BZW2: variants seen among roughly 807,000 people sequenced by gnomAD.
BZW2 encodes the protein basic leucine zipper and W2 domains 2.
Under a neutral mutation model 53.2 loss-of-function variants are expected in BZW2, and 23 were observed. The ratio of observed to expected loss-of-function variants is 0.43; its 90% CI spans 0.31 to 0.61. The LOEUF (loss-of-function observed/expected upper bound fraction) is 0.61. Ranked by LOEUF, BZW2 falls within the 20% of genes least tolerant of loss-of-function variation. The pLI, the probability that BZW2 is intolerant of heterozygous loss-of-function variation, is 0.09. For missense variants in BZW2, 409 were observed against 503.1 expected (o/e 0.81, Z 1.79); for synonymous variants, 227 against 186.4 (o/e 1.22, Z -1.77).
At chr7:16,662,349 G>A (rs980617935) in intron 1 of BZW2, 5 of 152,100 alleles carry the variant, frequency 3.3e-5, no homozygotes, top group African/African-American at 1.2e-4. Flanking sequence ...TTCTCCACAT[G>A]GAATGTATCG....
chr7:16,668,991 GTTC>G (rs1332378002), intron 2 of BZW2, among the ~76,000 whole-genome samples: 3 of 152,166 alleles, frequency 2.0e-5, no homozygotes, highest in Admixed American at 6.5e-5. Flanking sequence ...TAATCAAACT[GTTC>G]TTTCTGTACA....
intron 1 of BZW2, chr7:16,661,173 G>A (rs696279): frequency 0.58 from 88,629 of 151,932 alleles, 26,648 homozygotes; most frequent in African/African-American, 0.72. Flanking sequence ...TCATACCAGA[G>A]CAGTCAAAAA....
intron 10 of BZW2, among the ~76,000 whole-genome samples, chr7:16,700,450 G>C (rs761878633): frequency 7.2e-5 from 11 of 152,158 alleles, no homozygotes; most frequent in Non-Finnish European, 1.3e-4. Flanking sequence ...CTCATTCCGT[G>C]TTTTATATGC....
In BZW2 at chr7:16,689,803, C is replaced by G. The variant is rs572468645; in HGVS notation, c.548C>G (p.Ala183Gly). The change falls in exon 7 of 12, where the codon GCG becomes GGG. Residue 183 changes from alanine (A) to glycine (G), a missense_variant. Transcript: ENST00000258761. ...CTCTTTTGTTTTTCAACAGGCATTGCGGCCTCATTTGCTGTCAAGCTTTTC... is the reference window on the plus strand; with the variant it reads ...CTCTTTTGTTTTTCAACAGGCATTGGGGCCTCATTTGCTGTCAAGCTTTTC... ...FTDSLVKEGIAASFAVKLFKA... is the reference protein window; with the variant it reads ...FTDSLVKEGIGASFAVKLFKA... The G allele has an allele frequency of 6.2e-7, 1 of 1,604,410 alleles. No individual in the cohort carries two copies. The highest frequency in any genetic ancestry group is 2.2e-5 in the East Asian group (1 of 44,552).
chr7:16,654,818 C>T (rs1009109346), intron 1 of BZW2, among the ~76,000 whole-genome samples: 2 of 152,002 alleles, frequency 1.3e-5, no homozygotes, highest in Non-Finnish European at 2.9e-5. Context: ...GGATTACAGG[C>T]ATAAGCCACC....
At chr7:16,690,728 C>G (rs920044301) in intron 7 of BZW2, among the ~76,000 whole-genome samples, 1 of 152,152 alleles carries the variant, frequency 6.6e-6, no homozygotes, top group African/African-American at 2.4e-5. Flanking sequence ...GTCACAATTG[C>G]TTGATTATAT....
intron 6 of BZW2, chr7:16,686,348 T>G: frequency 3.7e-6 from 1 of 271,234 alleles, no homozygotes; most frequent in Non-Finnish European, 7.2e-6. Flanking sequence ...TCTGGTAATC[T>G]TTTTGCCCTT....
At chr7:16,651,027 TC>T (rs574433318) in intron 1 of BZW2, among the ~76,000 whole-genome samples, 127 of 152,306 alleles carry the variant, frequency 8.3e-4, no homozygotes, top group Middle Eastern at 3.4e-3. Context: ...TTAAGTTTAT[TC>T]AAAAATTAAA....
At chr7:16,689,997 G>A (rs1372201161) in intron 7 of BZW2, 91 bp downstream of exon 7, 1 of 867,900 alleles carries the variant, frequency 1.2e-6, no homozygotes, top group Non-Finnish European at 1.7e-6. Context: ...TAAGATCCCT[G>A]GATCTGTGTT....
At chr7:16,704,770 A>G (rs1490302385) in intron 11 of BZW2, 101 bp downstream of exon 11, 3 of 1,229,460 alleles carry the variant, frequency 2.4e-6, no homozygotes, top group East Asian at 2.5e-5. Context: ...TTCTAAAACT[A>G]AAATTCTAGA....
intron 2 of BZW2, among the ~76,000 whole-genome samples, chr7:16,665,826 C>T (rs950550766): frequency 3.3e-5 from 5 of 151,942 alleles, no homozygotes; most frequent in Non-Finnish European, 2.9e-5. Flanking sequence ...CTTTCTTTGT[C>T]GTTTTATGAA....
In BZW2 at chr7:16,665,481, G is replaced by A. The variant is rs1046378673; in HGVS notation, c.38G>A (p.Arg13Gln). The change falls in exon 2 of 12, where the codon CGG becomes CAG. Residue 13 changes from arginine to glutamine, a missense_variant. By Grantham distance (43) the Arg-to-Gln change is conservative. This residue lies in a region of BZW2 where 316 missense variants were observed against 366.8 expected (regional missense o/e 0.86). Transcript: ENST00000258761. ...KHQKPVLTGQ[R>Q]FKTRKRDEKE... ...CAGAAGCCAGTGCTAACAGGCCAGC[G>A]GTTCAAAACTCGGAAAAGGGGTAGG... 1.6e-5 allele frequency: 26 copies of A among 1,613,732 alleles called. No homozygotes were observed. Among genetic ancestry groups the A allele is most frequent in the Non-Finnish European group, 2.1e-5 (25 of 1,179,996 alleles).
chr7:16,667,267 G>A, intron 2 of BZW2, among the ~76,000 whole-genome samples: 1 of 138,612 alleles, frequency 7.2e-6, no homozygotes. Context: ...GGCAACGAGT[G>A]AAGCTCCATC....
intron 2 of BZW2, among the ~76,000 whole-genome samples, chr7:16,670,962 T>C (rs1782580237): frequency 6.6e-6 from 1 of 152,254 alleles, no homozygotes; most frequent in Non-Finnish European, 1.5e-5. Flanking sequence ...GTTCTCATGC[T>C]TATGTGACTA....
chr7:16,700,120 A>C (rs1030708836), intron 10 of BZW2, among the ~76,000 whole-genome samples: 6 of 152,222 alleles, frequency 3.9e-5, no homozygotes, highest in Non-Finnish European at 7.3e-5. Context: ...AAATTGGGAA[A>C]CTTTTTTAAA....
chr7:16,694,825 CT>C lies in BZW2; in HGVS notation c.652-4del. 8 of 1,495,640 alleles carry C rather than the reference CT, an allele frequency of 5.3e-6. No homozygotes were observed. Among genetic ancestry groups the C allele is most frequent in the East Asian group, 2.3e-5 (1 of 43,192 alleles). 92.6% of individuals were successfully genotyped at this position (1,495,640 alleles called of 1,614,324 possible). Reference sequence around the variant, plus strand: ...CTTGTTTTATAGCAGTCTTTTTTCCCTTTTTCAGGAACTCTTTCCAGTTAAC... The same window carrying C: ...CTTGTTTTATAGCAGTCTTTTTTCCCTTTTCAGGAACTCTTTCCAGTTAAC... On this transcript the variant is annotated splice_region_variant and splice_polypyrimidine_tract_variant and intron_variant, in intron 7 of 11. Transcript: ENST00000258761.
chr7:16,657,053 G>C (rs771072408), intron 1 of BZW2, among the ~76,000 whole-genome samples: 1 of 152,162 alleles, frequency 6.6e-6, no homozygotes, highest in Non-Finnish European at 1.5e-5. Context: ...TCTCAGTAGG[G>C]AATGATAGTT....
rs535449995 is a variant in BZW2 at position 16,693,607 on chromosome 7, GC to G, written c.652-1226del. 4.3e-3 allele frequency among the ~76,000 whole-genome samples: 662 copies of G among 152,238 alleles called. 5 individuals carry two copies. Among genetic ancestry groups the G allele is most frequent in the African/African-American group, 0.015 (623 of 41,530 alleles). ...TGGTTTACCGTCTAGAAAAATGTCTGCTTTACACAGTTATTATGAGGAAAGT... is the reference window on the plus strand; with the variant it reads ...TGGTTTACCGTCTAGAAAAATGTCTGTTTACACAGTTATTATGAGGAAAGT... On this transcript the variant is annotated intron_variant, in intron 7 of 11. Transcript: ENST00000258761.
At chr7:16,685,784 T>G (rs1259229303) in intron 5 of BZW2, 121 bp from the exon 6 acceptor site, 124 of 1,240,074 alleles carry the variant, frequency 1.0e-4, no homozygotes, top group Non-Finnish European at 1.3e-4. Context: ...CTTCTGTTTG[T>G]GTGCCACGTA....
Sources: allele counts gnomAD v4.1 joint callset (sites outside exome capture counted in the v4.1 genomes callset), GRCh38; gene constraint gnomAD v4.1.1; regional missense constraint gnomAD v4.1.1; transcripts MANE v1.5; gene names NCBI Gene and HGNC (gene_info 2026-07-23, HGNC 2026-07-21).